The following KIF14 variants were observed in gnomAD, a reference collection of about 807,000 sequenced individuals.
KIF14 encodes kinesin-like protein KIF14.
A neutral mutation model predicts 176.2 loss-of-function variants in KIF14; 98 were observed. The ratio of observed to expected loss-of-function variants is 0.56; its 90% CI spans 0.47 to 0.66. The LOEUF is 0.66. Among genes scored for constraint, KIF14 ranks in the 30% least tolerant of loss-of-function variants. The pLI is 0.00. For synonymous variants in KIF14, 566 were observed against 632.2 expected, an observed-to-expected ratio of 0.90 and a Z score of 1.57; for missense variants, 1,751 against 1,920.4, an observed-to-expected ratio of 0.91 and a Z score of 1.65.
intron 23 of KIF14, among the ~76,000 whole-genome samples, chr1:200,566,711 C>G (rs1657476273): frequency 6.6e-6 from 1 of 152,142 alleles, no homozygotes; most frequent in East Asian, 2.0e-4. Flanking sequence ...CAAGCAATCC[C>G]TTGGCCTCAG....
chr1:200,601,611 C>T (rs889435738), intron 11 of KIF14, among the ~76,000 whole-genome samples: 2 of 152,184 alleles, frequency 1.3e-5, no homozygotes, highest in Admixed American at 6.5e-5. Context: ...TGGCATTTTG[C>T]TGCACACGTC....
rs372514522 is a variant in KIF14 at position 200,589,249 on chromosome 1, G to A, written c.3082C>T (p.Arg1028Ter). ...LEQEIYVNKK[R>*]LEMETLATKQ... Reference sequence around the variant, plus strand: ...GTAGCCAATGTTTCCATTTCTAATCGCTTTTTGTTGACATATATTTCCTGT... The same window carrying A: ...GTAGCCAATGTTTCCATTTCTAATCACTTTTTGTTGACATATATTTCCTGT... Residue 1028 changes from arginine (R) to a stop codon, truncating the protein, a stop_gained, in exon 18 of 30, where the codon CGA becomes TGA. Coordinates refer to ENST00000367350, the MANE Select transcript of KIF14 (RefSeq NM_014875.3). LOFTEE classifies it high-confidence loss of function. 17 of 1,606,572 alleles carry A rather than the reference G, an allele frequency of 1.1e-5. No individual in the cohort carries two copies. The highest frequency in any genetic ancestry group is 1.3e-5 in the Non-Finnish European group (15 of 1,175,930).
At chr1:200,603,117 T>C (rs1659704559) in intron 10 of KIF14, 109 bp downstream of exon 10, 7 of 594,174 alleles carry the variant, frequency 1.2e-5, no homozygotes, top group Admixed American at 2.9e-5. Flanking sequence ...GAATTCATAA[T>C]GCTTACCACC....
At chr1:200,588,037 T>C (rs1658844977) in intron 18 of KIF14, among the ~76,000 whole-genome samples, 1 of 151,884 alleles carries the variant, frequency 6.6e-6, no homozygotes. Flanking sequence ...CCCCACAAAC[T>C]TGGAAAAAAG....
At chr1:200,579,397 A>G (rs1048660911) in intron 21 of KIF14, among the ~76,000 whole-genome samples, 1 of 152,188 alleles carries the variant, frequency 6.6e-6, no homozygotes, top group African/African-American at 2.4e-5. Flanking sequence ...ACCCGAGGTC[A>G]GGAGTTCGAG....
chr1:200,620,338 A>C (rs1660620964), intron 1 of KIF14, 73 bp downstream of exon 1: 1 of 152,236 alleles, frequency 6.6e-6, no homozygotes, highest in African/African-American at 2.4e-5. Flanking sequence ...AATAAGCACA[A>C]TCCAAACCAA....
Position 200,575,586 on chromosome 1 carries a change from T to C in KIF14, c.3566+5A>G. On this transcript the variant is annotated splice_donor_5th_base_variant and intron_variant, in intron 22 of 29. Transcript: ENST00000367350. ...CAAGAAAACTAGTAACAAAATTGTC[T>C]TTACCTCCTTCTAGAAAGTGAAGAA... 6.4e-7 allele frequency: 1 copy of C among 1,564,296 alleles called. No homozygotes were observed. Among genetic ancestry groups the C allele is most frequent in the Non-Finnish European group, 8.7e-7 (1 of 1,148,216 alleles).
chr1:200,583,556 GT>G (rs1460168180), intron 19 of KIF14, among the ~76,000 whole-genome samples: 1 of 152,134 alleles, frequency 6.6e-6, no homozygotes, highest in Non-Finnish European at 1.5e-5. Context: ...TACTTTTATA[GT>G]TTGTTTAAAA....
chr1:200,601,792 G>C (rs1659639032), intron 11 of KIF14, 104 bp downstream of exon 11: 1 of 856,364 alleles, frequency 1.2e-6, no homozygotes, highest in African/African-American at 1.7e-5. Flanking sequence ...AATAGGTATA[G>C]AAAAACACCT....
chr1:200,592,055 T>C, intron 16 of KIF14, 25 bp downstream of exon 16: 2 of 1,590,360 alleles, frequency 1.3e-6, no homozygotes, highest in Non-Finnish European at 1.7e-6. Context: ...ATACACTTAC[T>C]ATTTCATATC....
At chr1:200,614,506 T>C (rs1466639561) in intron 3 of KIF14, 101 bp from the exon 4 acceptor site, 4 of 653,648 alleles carry the variant, frequency 6.1e-6, no homozygotes, top group African/African-American at 1.8e-5. Flanking sequence ...GCAAGTTCAC[T>C]GAATCTCATA....
In KIF14 at chr1:200,581,253, G is replaced by A; in HGVS notation, c.3283C>T (p.Gln1095Ter). Residue 1095 changes from glutamine to a stop codon, truncating the protein, a stop_gained, in exon 20 of 30, where the codon CAG becomes TAG. Transcript: ENST00000367350. LOFTEE classifies it high-confidence loss of function. ...TTGCTGCTGATAGCATTGGCTTCCT[G>A]AATCATCATTGAGAGTTTCATAGAG... ...WSSMKLSMMI[Q>*]EANAISSKLK... 1 of 1,604,524 alleles carries A rather than the reference G, an allele frequency of 6.2e-7. No homozygotes were observed. Among genetic ancestry groups the A allele is most frequent in the Non-Finnish European group, 8.5e-7 (1 of 1,176,240 alleles).
chr1:200,600,577 C>T (rs1436278309), intron 11 of KIF14, 74 bp from the exon 12 acceptor site: 3 of 1,022,626 alleles, frequency 2.9e-6, no homozygotes, highest in African/African-American at 1.6e-5. Flanking sequence ...CATAATCCTC[C>T]AATCTTCTAT....
intron 4 of KIF14, among the ~76,000 whole-genome samples, chr1:200,612,000 C>CTTTTTTTTTTT (rs79821962): frequency 6.7e-6 from 1 of 148,614 alleles, no homozygotes; most frequent in Non-Finnish European, 1.5e-5. Flanking sequence ...AGTCCATGCT[C>CTTTTTTTTTTT]TTTTTTTTTT....
At chr1:200,573,140 C>T (rs1029592712) in intron 22 of KIF14, among the ~76,000 whole-genome samples, 1 of 152,128 alleles carries the variant, frequency 6.6e-6, no homozygotes, top group African/African-American at 2.4e-5. Flanking sequence ...ATCATCAGCC[C>T]GATGTTGTCA....
intron 18 of KIF14, 49 bp from the exon 19 acceptor site, chr1:200,586,276 G>T: frequency 1.4e-6 from 2 of 1,452,322 alleles, no homozygotes; most frequent in Non-Finnish European, 1.8e-6. Context: ...TATGCAAAGA[G>T]AGAAACTATA....
At chr1:200,571,848 AAAC>A (rs1461200658) in intron 22 of KIF14, among the ~76,000 whole-genome samples, 1 of 152,252 alleles carries the variant, frequency 6.6e-6, no homozygotes, top group Non-Finnish European at 1.5e-5. Flanking sequence ...TATCATAGTT[AAAC>A]AACGTTTAAA....
intron 19 of KIF14, among the ~76,000 whole-genome samples, chr1:200,585,000 A>T (rs1658658900): frequency 6.6e-6 from 1 of 152,222 alleles, no homozygotes; most frequent in South Asian, 2.1e-4. Context: ...GATAAATACT[A>T]TATGATCTCA....
chr1:200,584,708 T>A (rs1046782987), intron 19 of KIF14, among the ~76,000 whole-genome samples: 1 of 152,152 alleles, frequency 6.6e-6, no homozygotes, highest in Non-Finnish European at 1.5e-5. Context: ...TACCTCAACA[T>A]AATAAAGGCT....
Sources: gnomAD v4.1 joint callset for allele counts (sites outside exome capture counted in the v4.1 genomes callset) on GRCh38, gnomAD v4.1.1 for gene constraint, MANE v1.5 for transcripts, NCBI Gene and HGNC (gene_info 2026-07-23, HGNC 2026-07-21) for gene names.